STAG3: variants seen among roughly 807,000 people sequenced by gnomAD.
The protein encoded by STAG3 is cohesin subunit SA-3.
Under a neutral mutation model 160.7 loss-of-function variants are expected in STAG3, and 101 were observed. That is an observed-to-expected ratio of 0.63 (90% CI 0.54 to 0.74). STAG3 has a LOEUF of 0.74. Ranked by LOEUF, STAG3 falls within the 30% of genes least tolerant of loss-of-function variation. The probability of loss-of-function intolerance (pLI) is 0.00; values close to 1 mark genes in which losing one functional copy is unlikely to be tolerated. For synonymous variants in STAG3, 519 were observed against 585.0 expected (o/e 0.89, Z 1.63); for missense variants, 1,188 against 1,517.4 (o/e 0.78, Z 3.61).
intron 29 of STAG3, among the ~76,000 whole-genome samples, chr7:100,210,148 A>G: frequency 6.6e-6 from 1 of 152,190 alleles, no homozygotes; most frequent in East Asian, 1.9e-4. Context: ...CAGGGAGATC[A>G]GGAGGACACA....
chr7:100,201,189 C>G, intron 20 of STAG3, 29 bp downstream of exon 20: 4 of 1,614,128 alleles, frequency 2.5e-6, no homozygotes, highest in Non-Finnish European at 3.4e-6. Flanking sequence ...CTTCCCCATC[C>G]CGTTTTTACT....
At chr7:100,193,765 G>C (rs1188016380) in intron 8 of STAG3, among the ~76,000 whole-genome samples, 2 of 152,112 alleles carry the variant, frequency 1.3e-5, no homozygotes, top group Non-Finnish European at 2.9e-5. Flanking sequence ...TACTAAAACT[G>C]TCTCTGTATC....
intron 21 of STAG3, 166 bp from the exon 22 acceptor site, chr7:100,201,620 G>C (rs1276142373): frequency 6.0e-6 from 4 of 666,536 alleles, no homozygotes; most frequent in African/African-American, 5.4e-5. Flanking sequence ...TTTCTACTTC[G>C]TGTAGATGCC....
chr7:100,202,936 G>T (rs7789890), intron 25 of STAG3, among the ~76,000 whole-genome samples: 25,686 of 152,080 alleles, frequency 0.17, 2,678 homozygotes, highest in Middle Eastern at 0.31. Context: ...ACCTAGATAG[G>T]TGCCCCAGTT....
intron 27 of STAG3, 75 bp downstream of exon 27, chr7:100,204,850 G>T: frequency 6.3e-7 from 1 of 1,598,800 alleles, no homozygotes; most frequent in South Asian, 1.1e-5. Flanking sequence ...TCGGAGGGAG[G>T]GTATGTGTGT....
rs1187720127 is a variant in STAG3, at chr7:100,200,434, T to TC, written c.1771-16dup. On this transcript the variant is annotated intron_variant, in intron 17 of 33. Transcript: ENST00000615138. ...CAATGTGTCAGCTTGTAAGGAGGCC[T>TC]CCCTGTCAATCATCACAGTTCTCAG... is the stretch of plus-strand genomic sequence containing the variant. The TC allele has an allele frequency of 1.2e-6, 2 of 1,613,926 alleles. No individual in the cohort carries two copies. The highest frequency in any genetic ancestry group is 1.7e-4 in the Middle Eastern group (1 of 6,058).
At chr7:100,179,146 T>C (rs2117026412) in intron 1 of STAG3, among the ~76,000 whole-genome samples, 1 of 150,948 alleles carries the variant, frequency 6.6e-6, no homozygotes, top group Non-Finnish European at 1.5e-5. Flanking sequence ...ACCTTGCCTT[T>C]TTTTTTTTTT....
At chr7:100,209,301 G>GT (rs1374299261) in intron 29 of STAG3, among the ~76,000 whole-genome samples, 1 of 152,164 alleles carries the variant, frequency 6.6e-6, no homozygotes, top group Admixed American at 6.6e-5. Flanking sequence ...TTTATAACAG[G>GT]TGAGGGAGGG....
At chr7:100,184,020 C>CT (rs1164304637) in intron 4 of STAG3, among the ~76,000 whole-genome samples, 1 of 152,166 alleles carries the variant, frequency 6.6e-6, no homozygotes, top group East Asian at 1.9e-4. Flanking sequence ...GATCCCAGCA[C>CT]TTGGGGAGGC....
chr7:100,191,118 G>T (rs1800321271), intron 8 of STAG3, among the ~76,000 whole-genome samples: 1 of 151,850 alleles, frequency 6.6e-6, no homozygotes, highest in African/African-American at 2.4e-5. Flanking sequence ...TGGCACTATG[G>T]ACGTTGCGGG....
intron 8 of STAG3, among the ~76,000 whole-genome samples, chr7:100,194,916 T>C (rs1800581269): frequency 6.8e-6 from 1 of 147,358 alleles, no homozygotes. Flanking sequence ...AAAGTGAGGA[T>C]ATACTATTAG....
Position 100,201,086 on chromosome 7 carries a change from T to C in STAG3, c.2062-4T>C, listed in dbSNP as rs1801088661. On this transcript the variant is annotated splice_region_variant and splice_polypyrimidine_tract_variant and intron_variant, in intron 19 of 33. Transcript: ENST00000615138. ...TGCTATTGTGGATCTTCTTTCCTTC[T>C]CAGTCGTCCTTCCTAGATGAGGATG... 3 of 1,614,070 alleles carry C rather than the reference T, an allele frequency of 1.9e-6. No individual in the cohort carries two copies. Among genetic ancestry groups the C allele is most frequent in the African/African-American group, 2.7e-5 (2 of 74,910 alleles).
intron 32 of STAG3, 125 bp from the exon 33 acceptor site, chr7:100,213,610 G>A (rs1802483403): frequency 6.6e-7 from 1 of 1,521,848 alleles, no homozygotes; most frequent in South Asian, 1.3e-5. Flanking sequence ...CTCCCAGGAG[G>A]TGCCATAGGG....
At chr7:100,181,184 C>G (rs553916993) in intron 2 of STAG3, among the ~76,000 whole-genome samples, 21 of 151,992 alleles carry the variant, frequency 1.4e-4, no homozygotes, top group Non-Finnish European at 2.9e-4. Context: ...GTAAATAGGT[C>G]TGTGTATCCT....
chr7:100,208,504 T>A (rs1224379037), intron 29 of STAG3, among the ~76,000 whole-genome samples: 1 of 152,198 alleles, frequency 6.6e-6, no homozygotes, highest in Non-Finnish European at 1.5e-5. Flanking sequence ...GAAGATGGAA[T>A]TGCTGGAGCT....
At position 100,214,196 on chromosome 7, in the gene STAG3, G is replaced by C. The variant is rs1802564491; in HGVS notation, c.*181G>C. 1 of 820,824 alleles carries C rather than the reference G, an allele frequency of 1.2e-6. No individual in the cohort carries two copies. Among genetic ancestry groups the C allele is most frequent in the Non-Finnish European group, 1.9e-6 (1 of 523,706 alleles). The allele number at this position is 820,824 out of a possible 1,614,324, so 50.8% of individuals were successfully genotyped here. A position where few individuals can be genotyped will look rare whatever the true frequency, so the allele number is the denominator to read the frequency against. ...TTTCCCTCTGGGGTAGAGAAGCCGAGAGACCCTGTCCTCCCTAATGCACTG... is the reference window on the plus strand; with the variant it reads ...TTTCCCTCTGGGGTAGAGAAGCCGACAGACCCTGTCCTCCCTAATGCACTG... On this transcript the variant is annotated 3_prime_UTR_variant, in exon 34 of 34. Transcript: ENST00000615138.
chr7:100,193,024 G>C (rs982592259), intron 8 of STAG3, among the ~76,000 whole-genome samples: 2 of 152,186 alleles, frequency 1.3e-5, no homozygotes, highest in African/African-American at 4.8e-5. Context: ...CTGCAAAATG[G>C]ATGTTGTGTT....
intron 32 of STAG3, chr7:100,213,320 C>T (rs7778248): frequency 5.3e-4 from 523 of 985,300 alleles, no homozygotes; most frequent in Middle Eastern, 1.0e-3. Context: ...TTACAGGCTG[C>T]GTATCTTCTG....
At position 100,198,855 on chromosome 7, in the gene STAG3, T is replaced by C. The variant is rs1324977870; in HGVS notation, c.1365T>C (p.Pro455=). Residue 455 remains proline, a synonymous_variant, in exon 14 of 34, where the codon CCT becomes CCC. Transcript: ENST00000615138. ...GEFLYWKLFY[P]ECEIRMMGGR... is the part of the protein sequence containing the mutation. ...TCCATTCCACCAGACTCTTCTACCC[T>C]GAGTGCGAGATAAGAATGATGGGTG... is the stretch of plus-strand genomic sequence containing the variant. The C allele has an allele frequency of 2.9e-5, 47 of 1,612,096 alleles. No individual in the cohort carries two copies. Among genetic ancestry groups the C allele is most frequent in the Non-Finnish European group, 3.8e-5 (45 of 1,180,002 alleles).
Sources: gnomAD v4.1 joint callset for allele counts (sites outside exome capture counted in the v4.1 genomes callset) on GRCh38, gnomAD v4.1.1 for gene constraint, MANE v1.5 for transcripts, NCBI Gene and HGNC (gene_info 2026-07-23, HGNC 2026-07-21) for gene names.